The following PHLPP1 variants were observed in gnomAD, a reference collection of about 807,000 sequenced individuals.
PHLPP1 encodes the protein PH domain leucine-rich repeat-containing protein phosphatase 1.
In PHLPP1, 42 loss-of-function variants were observed where a neutral mutation model predicts 117.2. The observed-to-expected ratio is 0.36, with a 90% confidence interval of 0.28 to 0.46. The LOEUF is 0.46. PHLPP1 is among the 20% of genes least tolerant of loss of function. The pLI, the probability that PHLPP1 is intolerant of heterozygous loss-of-function variation, is 1.00. For synonymous variants in PHLPP1, 1,042 were observed against 970.7 expected, an observed-to-expected ratio of 1.07 and a Z score of -1.37; for missense variants, 2,084 against 2,241.9, an observed-to-expected ratio of 0.93 and a Z score of 1.42.
chr18:62,721,708 T>C (rs1465622415), intron 1 of PHLPP1, among the ~76,000 whole-genome samples: 1 of 152,168 alleles, frequency 6.6e-6, no homozygotes, highest in Non-Finnish European at 1.5e-5. Flanking sequence ...ATTGAAGTAA[T>C]TGTAGGGGCA....
At chr18:62,945,748 T>C (rs1490142829) in intron 12 of PHLPP1, among the ~76,000 whole-genome samples, 2 of 152,230 alleles carry the variant, frequency 1.3e-5, no homozygotes, top group Non-Finnish European at 2.9e-5. Context: ...AGAGCATCAT[T>C]GCTGTCACCA....
chr18:62,952,252 C>G (rs1215044043), intron 12 of PHLPP1, among the ~76,000 whole-genome samples: 1 of 152,076 alleles, frequency 6.6e-6, no homozygotes, highest in Non-Finnish European at 1.5e-5. Context: ...ATGGCAAGAC[C>G]TTGTCTCTTT....
At chr18:62,968,216 C>G (rs1910957805) in intron 14 of PHLPP1, among the ~76,000 whole-genome samples, 1 of 152,136 alleles carries the variant, frequency 6.6e-6, no homozygotes. Flanking sequence ...GTCTGTAGCT[C>G]TCTTGTGATG....
intron 1 of PHLPP1, among the ~76,000 whole-genome samples, chr18:62,799,916 T>C (rs1913727292): frequency 6.6e-6 from 1 of 152,228 alleles, no homozygotes; most frequent in Non-Finnish European, 1.5e-5. Flanking sequence ...AGGAGAATTT[T>C]AGAAGGATGT....
chr18:62,848,282 A>G (rs954048996), intron 3 of PHLPP1, among the ~76,000 whole-genome samples: 1 of 152,128 alleles, frequency 6.6e-6, no homozygotes, highest in East Asian at 1.9e-4. Context: ...TATTTTCTAA[A>G]CAATATAATT....
intron 4 of PHLPP1, among the ~76,000 whole-genome samples, chr18:62,867,412 T>A (rs1798962457): frequency 6.6e-6 from 1 of 152,206 alleles, no homozygotes; most frequent in Non-Finnish European, 1.5e-5. Flanking sequence ...AGGTGTTAAT[T>A]TTTGGTTAAG....
chr18:62,876,167 T>G (rs1315631239), intron 4 of PHLPP1, among the ~76,000 whole-genome samples: 1 of 152,190 alleles, frequency 6.6e-6, no homozygotes, highest in Non-Finnish European at 1.5e-5. Context: ...AGAGAGGATT[T>G]GAAGTTGGAA....
chr18:62,851,924 T>C (rs1429113577), intron 3 of PHLPP1, among the ~76,000 whole-genome samples: 4 of 152,164 alleles, frequency 2.6e-5, no homozygotes, highest in Admixed American at 2.6e-4. Flanking sequence ...TCACCCATGC[T>C]GGAGGGCAGT....
At chr18:62,853,790 T>C (rs1915422830) in intron 3 of PHLPP1, among the ~76,000 whole-genome samples, 1 of 152,248 alleles carries the variant, frequency 6.6e-6, no homozygotes, top group South Asian at 2.1e-4. Flanking sequence ...TTTATCCTTA[T>C]AACTGCTCAA....
chr18:62,813,538 C>A (rs983440405), intron 1 of PHLPP1, among the ~76,000 whole-genome samples: 3 of 152,178 alleles, frequency 2.0e-5, no homozygotes, highest in African/African-American at 7.2e-5. Flanking sequence ...TTGCTTGCTT[C>A]TTTGGTCTAG....
At chr18:62,814,025 A>G (rs1024156134) in intron 1 of PHLPP1, among the ~76,000 whole-genome samples, 1 of 151,678 alleles carries the variant, frequency 6.6e-6, no homozygotes, top group African/African-American at 2.4e-5. Context: ...AAGGGGTACT[A>G]TTTTTCAGGT....
rs1912482176 is a variant in PHLPP1 at position 62,766,074 on chromosome 18, AAAATATATAT to A, written c.1576+48817_1576+48826del. Among the ~76,000 whole-genome samples, 2 of 18,242 alleles carry A rather than the reference AAAATATATAT, an allele frequency of 1.1e-4. 1 individual carries two copies. Among genetic ancestry groups the A allele is most frequent in the African/African-American group, 2.8e-4 (2 of 7,108 alleles). 12.0% of individuals were successfully genotyped at this position (18,242 alleles called of 152,430 possible). A position where few individuals can be genotyped will look rare whatever the true frequency, so the allele number is the denominator to read the frequency against. On this transcript the variant is annotated intron_variant, in intron 1 of 16. Coordinates refer to ENST00000262719, the MANE Select transcript of PHLPP1 (RefSeq NM_194449.4). ...AGACTCCATCTCAAAAAAAAAAAAA[AAAATATATAT>A]ATATATATATATATATATAAAATAT...
intron 1 of PHLPP1, among the ~76,000 whole-genome samples, chr18:62,789,795 G>A (rs114489545): frequency 3.7e-4 from 56 of 152,224 alleles, no homozygotes; most frequent in African/African-American, 9.6e-4. Flanking sequence ...GGCCGCACCC[G>A]AGACCAATTT....
At chr18:62,882,291 T>C (rs1916190042) in intron 4 of PHLPP1, among the ~76,000 whole-genome samples, 2 of 151,408 alleles carry the variant, frequency 1.3e-5, no homozygotes, top group African/African-American at 4.9e-5. Context: ...TTTTTTGAGA[T>C]GGTGTCTTGC....
At chr18:62,800,487 T>A (rs1005627773) in intron 1 of PHLPP1, among the ~76,000 whole-genome samples, 4 of 152,158 alleles carry the variant, frequency 2.6e-5, no homozygotes, top group African/African-American at 9.7e-5. Context: ...ACTTTTTTTC[T>A]GCTTCTAGAT....
At chr18:62,889,251 G>A (rs1471933117) in intron 4 of PHLPP1, among the ~76,000 whole-genome samples, 3 of 152,126 alleles carry the variant, frequency 2.0e-5, no homozygotes, top group Non-Finnish European at 4.4e-5. Flanking sequence ...ATGCAAAGGG[G>A]GTGGGGAATG....
chr18:62,888,966 A>G (rs772986627), intron 4 of PHLPP1, among the ~76,000 whole-genome samples: 1 of 152,164 alleles, frequency 6.6e-6, no homozygotes, highest in Non-Finnish European at 1.5e-5. Context: ...AGGGAAGTGA[A>G]TTCTCTGTGG....
At chr18:62,937,582 T>C (rs563992596) in intron 10 of PHLPP1, among the ~76,000 whole-genome samples, 1 of 152,328 alleles carries the variant, frequency 6.6e-6, no homozygotes, top group Admixed American at 6.5e-5. Context: ...ACTGATGAAA[T>C]CCGAGTTTTA....
chr18:62,855,558 A>G (rs564840904), intron 3 of PHLPP1, among the ~76,000 whole-genome samples: 1 of 152,326 alleles, frequency 6.6e-6, no homozygotes, highest in South Asian at 2.1e-4. Context: ...TATGCAGCTC[A>G]CTGCCTAGTG....
Sources: allele counts gnomAD v4.1 joint callset (sites outside exome capture counted in the v4.1 genomes callset), GRCh38; gene constraint gnomAD v4.1.1; transcripts MANE v1.5; gene names NCBI Gene and HGNC (gene_info 2026-07-23, HGNC 2026-07-21).